GALNT17: variants seen among roughly 807,000 people sequenced by gnomAD.
GALNT17 encodes the protein polypeptide N-acetylgalactosaminyltransferase 17, also known as UDP-GalNAc:polypeptide N-acetylgalactosaminyltransferase-like 3.
A neutral mutation model predicts 63.7 loss-of-function variants in GALNT17; 29 were observed. That is an observed-to-expected ratio of 0.46 (90% CI 0.34 to 0.62). The LOEUF (loss-of-function observed/expected upper bound fraction) is 0.62. Among genes scored for constraint, GALNT17 ranks in the 20% least tolerant of loss-of-function variants. The probability of loss-of-function intolerance (pLI) is 0.01; values close to 1 mark genes in which losing one functional copy is unlikely to be tolerated. For missense variants in GALNT17, 603 were observed against 799.6 expected, an observed-to-expected ratio of 0.75 and a Z score of 2.97; for synonymous variants, 305 against 318.3, an observed-to-expected ratio of 0.96 and a Z score of 0.45.
intron 5 of GALNT17, among the ~76,000 whole-genome samples, chr7:71,548,231 G>A (rs1211680009): frequency 8.1e-5 from 12 of 148,254 alleles, no homozygotes; most frequent in Non-Finnish European, 1.3e-4. Flanking sequence ...AACAGAGCAG[G>A]AGTCTGTCTC....
At chr7:71,346,561 G>C (rs1160868614) in intron 2 of GALNT17, among the ~76,000 whole-genome samples, 1 of 152,142 alleles carries the variant, frequency 6.6e-6, no homozygotes, top group Admixed American at 6.5e-5. Flanking sequence ...GCTAGTAAGT[G>C]CAGGGACCTG....
intron 9 of GALNT17, among the ~76,000 whole-genome samples, chr7:71,678,208 T>A (rs1791181391): frequency 6.6e-6 from 1 of 151,802 alleles, no homozygotes; most frequent in Admixed American, 6.6e-5. Context: ...CAGTGCAACC[T>A]CCGCCTTCTG....
At chr7:71,226,671 G>A (rs925504261) in intron 1 of GALNT17, among the ~76,000 whole-genome samples, 5 of 151,966 alleles carry the variant, frequency 3.3e-5, no homozygotes, top group Non-Finnish European at 5.9e-5. Context: ...GTACAGATAC[G>A]GTTTCGCCAT....
chr7:71,688,776 G>A (rs1791399086), intron 9 of GALNT17, among the ~76,000 whole-genome samples: 1 of 152,164 alleles, frequency 6.6e-6, no homozygotes, highest in Admixed American at 6.5e-5. Context: ...TCATAAGATT[G>A]TAGCAATTCC....
intron 6 of GALNT17, among the ~76,000 whole-genome samples, chr7:71,626,212 C>G (rs1790373593): frequency 6.7e-6 from 1 of 148,684 alleles, no homozygotes; most frequent in Non-Finnish European, 1.5e-5. Flanking sequence ...CCATTGCACT[C>G]CAGCCTGGCA....
At chr7:71,462,263 G>A (rs141315036) in intron 5 of GALNT17, among the ~76,000 whole-genome samples, 6 of 152,170 alleles carry the variant, frequency 3.9e-5, no homozygotes, top group East Asian at 1.9e-4. Context: ...TCAGCCATTC[G>A]TTCCCTCCAC....
intron 5 of GALNT17, among the ~76,000 whole-genome samples, chr7:71,467,277 G>C (rs1040104640): frequency 1.3e-5 from 2 of 152,184 alleles, no homozygotes; most frequent in Non-Finnish European, 2.9e-5. Context: ...CTGGTTGGAA[G>C]GAAGTGAGGC....
intron 8 of GALNT17, among the ~76,000 whole-genome samples, chr7:71,674,407 A>G (rs1791117223): frequency 6.6e-6 from 1 of 150,614 alleles, no homozygotes; most frequent in Non-Finnish European, 1.5e-5. Context: ...GTACAGTAGC[A>G]TGATCATGAC....
At chr7:71,286,259 C>A (rs1048146659) in intron 1 of GALNT17, among the ~76,000 whole-genome samples, 1 of 152,192 alleles carries the variant, frequency 6.6e-6, no homozygotes, top group Non-Finnish European at 1.5e-5. Flanking sequence ...GCTCTGCCCA[C>A]GTTGATTACT....
intron 6 of GALNT17, among the ~76,000 whole-genome samples, chr7:71,642,021 G>A (rs1790610741): frequency 6.6e-6 from 1 of 152,176 alleles, no homozygotes; most frequent in Non-Finnish European, 1.5e-5. Context: ...CCCCATTGAA[G>A]CTGATCTCAG....
At chr7:71,547,915 G>A (rs758370869) in intron 5 of GALNT17, among the ~76,000 whole-genome samples, 4 of 152,006 alleles carry the variant, frequency 2.6e-5, no homozygotes, top group Non-Finnish European at 5.9e-5. Flanking sequence ...TTAGTTGAGA[G>A]CCATGTGAGA....
intron 1 of GALNT17, among the ~76,000 whole-genome samples, chr7:71,140,144 C>G (rs1466498293): frequency 1.3e-5 from 2 of 152,156 alleles, no homozygotes; most frequent in Non-Finnish European, 2.9e-5. Context: ...ACCACCATTT[C>G]CTGCAGGAAG....
intron 6 of GALNT17, among the ~76,000 whole-genome samples, chr7:71,609,462 T>C (rs575603355): frequency 4.6e-5 from 7 of 152,318 alleles, no homozygotes; most frequent in African/African-American, 1.7e-4. Flanking sequence ...ACATTGTTGT[T>C]CCACCATTCT....
At chr7:71,218,573 C>G (rs1789528360) in intron 1 of GALNT17, among the ~76,000 whole-genome samples, 1 of 152,086 alleles carries the variant, frequency 6.6e-6, no homozygotes, top group Non-Finnish European at 1.5e-5. Context: ...CCCTGGGCCA[C>G]AAACTGGTCT....
intron 2 of GALNT17, among the ~76,000 whole-genome samples, chr7:71,336,000 TCTTCTTCCTTCTTCTTCCTTCTTC>T: frequency 1.3e-5 from 1 of 76,742 alleles, no homozygotes; most frequent in Admixed American, 1.4e-4. Flanking sequence ...TTCTTCTTCT[TCTTCTTCCTTCTTCTTCCTTCTTC>T]TTTCTTCCTT....
chr7:71,280,504 C>A (rs914010189), intron 1 of GALNT17, among the ~76,000 whole-genome samples: 3 of 152,126 alleles, frequency 2.0e-5, no homozygotes, highest in Non-Finnish European at 2.9e-5. Context: ...CCTATGAAGA[C>A]CCTCTTGGTT....
intron 1 of GALNT17, among the ~76,000 whole-genome samples, chr7:71,265,630 GT>G (rs1790479701): frequency 6.6e-6 from 1 of 152,154 alleles, no homozygotes; most frequent in Admixed American, 6.5e-5. Context: ...GGCCCAAAGT[GT>G]TCTCTTCTAA....
intron 5 of GALNT17, among the ~76,000 whole-genome samples, chr7:71,488,181 A>C (rs113675491): frequency 0.23 from 34,767 of 150,254 alleles, 4,312 homozygotes; most frequent in Middle Eastern, 0.27. Context: ...AAAAAAAAAA[A>C]AAAAAAAACA....
intron 1 of GALNT17, among the ~76,000 whole-genome samples, chr7:71,204,204 G>A (rs11766740): frequency 0.14 from 20,775 of 151,992 alleles, 1,468 homozygotes; most frequent in East Asian, 0.23. Flanking sequence ...TAAATGCATT[G>A]ACTGTTAATG....
Sources: gnomAD v4.1 joint callset for allele counts (sites outside exome capture counted in the v4.1 genomes callset) on GRCh38, gnomAD v4.1.1 for gene constraint, MANE v1.5 for transcripts, NCBI Gene and HGNC (gene_info 2026-07-23, HGNC 2026-07-21) for gene names.